The following COL4A5 variants were observed in gnomAD, a reference collection of about 807,000 sequenced individuals.
COL4A5 encodes collagen alpha-5(IV) chain.
Under a neutral mutation model 130.2 loss-of-function variants are expected in COL4A5, and 26 were observed. The observed-to-expected ratio is 0.20, with a 90% CI of 0.15 to 0.28. The LOEUF is 0.28. COL4A5 is among the 10% of genes least tolerant of loss of function. The probability of loss-of-function intolerance (pLI) is 1.00; values close to 1 mark genes in which losing one functional copy is unlikely to be tolerated. For missense variants in COL4A5, 1,131 were observed against 1,344.3 expected, an observed-to-expected ratio of 0.84 and a Z score of 2.48; for synonymous variants, 496 against 439.6, an observed-to-expected ratio of 1.13 and a Z score of -1.60.
At chrX:108,596,638 T>C (rs765329370) in intron 22 of COL4A5, among the ~76,000 whole-genome samples, 1 of 111,892 alleles carries the variant, frequency 8.9e-6, no homozygotes, top group Admixed American at 9.5e-5. Flanking sequence ...TATTCAAACC[T>C]TTTCATTATC....
intron 3 of COL4A5, among the ~76,000 whole-genome samples, chrX:108,561,154 C>A (rs1360354787): frequency 8.9e-6 from 1 of 112,020 alleles, no homozygotes; most frequent in Non-Finnish European, 1.9e-5. Context: ...GCACAGCAAT[C>A]AGATGTTTAT....
At chrX:108,676,250 A>G (rs1209715196) in intron 43 of COL4A5, among the ~76,000 whole-genome samples, 2 of 112,358 alleles carry the variant, frequency 1.8e-5, no homozygotes, top group African/African-American at 6.5e-5. Flanking sequence ...TTTTTGTTGA[A>G]ATCAATAAAA....
chrX:108,525,774 G>A (rs2065305843), intron 1 of COL4A5, among the ~76,000 whole-genome samples: 1 of 111,674 alleles, frequency 9.0e-6, no homozygotes. Flanking sequence ...CAAAATTGCT[G>A]ATACTGTTCC....
intron 37 of COL4A5, among the ~76,000 whole-genome samples, chrX:108,664,423 A>T (rs2068032906): frequency 8.9e-6 from 1 of 112,144 alleles, no homozygotes; most frequent in African/African-American, 3.2e-5. Flanking sequence ...AAATGTTTTT[A>T]ATTAGATCTT....
At chrX:108,650,794 G>C (rs2067710413) in intron 36 of COL4A5, among the ~76,000 whole-genome samples, 1 of 110,042 alleles carries the variant, frequency 9.1e-6, no homozygotes, top group Non-Finnish European at 1.9e-5. Context: ...TGGGAGTGGG[G>C]CAAGGGATAA....
At chrX:108,538,110 C>A (rs1334426678) in intron 1 of COL4A5, among the ~76,000 whole-genome samples, 1 of 111,575 alleles carries the variant, frequency 9.0e-6, no homozygotes, top group African/African-American at 3.3e-5. Context: ...TAGTGGCTGT[C>A]ACATAACAGG....
At chrX:108,633,131 G>T (rs1435912873) in intron 36 of COL4A5, among the ~76,000 whole-genome samples, 3 of 111,558 alleles carry the variant, frequency 2.7e-5, no homozygotes, top group Non-Finnish European at 1.9e-5. Context: ...CTTCAGCAAA[G>T]TCTCAGGAGC....
intron 1 of COL4A5, among the ~76,000 whole-genome samples, chrX:108,457,785 T>G (rs1488674679): frequency 8.9e-6 from 1 of 112,171 alleles, no homozygotes; most frequent in Non-Finnish European, 1.9e-5. Flanking sequence ...TCTGTTCCTA[T>G]AATTTTACCT....
rs1276171285 is a variant in COL4A5 at position 108,677,560 on chromosome X, A to C, written c.3869A>C (p.Lys1290Thr). Residue 1290 changes from lysine (K) to threonine (T), a missense_variant, in exon 44 of 53, where the codon AAG becomes ACG. Physicochemically the swap from Lys to Thr is moderately conservative, Grantham distance 78. Coordinates refer to ENST00000328300, the MANE Select transcript of COL4A5 (RefSeq NM_033380.3). ...GGAAATGGAGGTATTAAAGGAGAGA[A>C]GGGAAATCCAGGCCAACCTGGGCTA... ...LPGNGGIKGEKGNPGQPGLPG... is the reference protein window; with the variant it reads ...LPGNGGIKGETGNPGQPGLPG... 1 of 1,210,132 alleles carries C rather than the reference A, an allele frequency of 8.3e-7. No individual in the cohort carries two copies. The highest frequency in any genetic ancestry group is 1.1e-6 in the Non-Finnish European group (1 of 894,018).
At chrX:108,511,493 A>G (rs1221819581) in intron 1 of COL4A5, among the ~76,000 whole-genome samples, 2 of 111,869 alleles carry the variant, frequency 1.8e-5, no homozygotes, top group African/African-American at 6.5e-5. Flanking sequence ...GAAATGTAAG[A>G]GATCCGGAAT....
intron 1 of COL4A5, among the ~76,000 whole-genome samples, chrX:108,473,633 A>ATATATATATATATATATATATTTTT: frequency 1.2e-4 from 4 of 34,560 alleles, no homozygotes; most frequent in South Asian, 1.3e-3. Flanking sequence ...ATATATATAT[A>ATATATATATATATATATATATTTTT]TTTTTTTTTT....
At chrX:108,651,704 G>C (rs2067733249) in intron 36 of COL4A5, among the ~76,000 whole-genome samples, 1 of 111,580 alleles carries the variant, frequency 9.0e-6, no homozygotes, top group African/African-American at 3.2e-5. Context: ...CATGGTAAAG[G>C]GTAGTATAGA....
intron 1 of COL4A5, among the ~76,000 whole-genome samples, chrX:108,442,095 G>C (rs778459636): frequency 1.1e-4 from 12 of 111,336 alleles, no homozygotes; most frequent in African/African-American, 3.6e-4. Flanking sequence ...TGTTTTTCCT[G>C]GTTCATACAT....
chrX:108,632,504 A>G (rs945971445), intron 36 of COL4A5, among the ~76,000 whole-genome samples: 1 of 111,386 alleles, frequency 9.0e-6, no homozygotes, highest in African/African-American at 3.3e-5. Context: ...TCCTGATATC[A>G]AAGCCTGGCA....
intron 36 of COL4A5, among the ~76,000 whole-genome samples, chrX:108,628,276 T>A (rs1466549382): frequency 9.0e-6 from 1 of 111,298 alleles, no homozygotes; most frequent in Non-Finnish European, 1.9e-5. Flanking sequence ...TTGGTAAATA[T>A]CACCATAGAA....
chrX:108,603,193 A>T (rs2066668481), intron 28 of COL4A5, 132 bp downstream of exon 28: 2 of 372,250 alleles, frequency 5.4e-6, no homozygotes, highest in Non-Finnish European at 9.5e-6. Context: ...ATAACTTATT[A>T]TATTTCCATT....
Position 108,655,399 on chromosome X carries a change from G to A in COL4A5, c.3315G>A (p.Leu1105=), listed in dbSNP as rs1415696204. ...GIKGSVGDPG[L]PGLPGTPGAK... is the part of the protein sequence containing the mutation. Reference sequence around the variant, plus strand: ...AAGGTTCTGTGGGAGATCCTGGTTTGCCCGGATTACCAGGAACCCCTGGAG... The same window carrying A: ...AAGGTTCTGTGGGAGATCCTGGTTTACCCGGATTACCAGGAACCCCTGGAG... Residue 1105 remains leucine, a synonymous_variant, in exon 37 of 53, where the codon TTG becomes TTA. Transcript: ENST00000328300. 1.7e-6 allele frequency: 2 copies of A among 1,210,792 alleles called. No homozygotes were observed. Among genetic ancestry groups the A allele is most frequent in the Non-Finnish European group, 2.2e-6 (2 of 895,009 alleles).
At position 108,621,877 on chromosome X, in the gene COL4A5, G is replaced by A. The variant is rs373249512; in HGVS notation, c.2752G>A (p.Val918Ile). 5 of 1,201,536 alleles carry A rather than the reference G, an allele frequency of 4.2e-6. No individual in the cohort carries two copies. The highest frequency in any genetic ancestry group is 2.3e-4 in the Middle Eastern group (1 of 4,350). Residue 918 changes from valine (V) to isoleucine (I), a missense_variant, in exon 32 of 53, where the codon GTA becomes ATA. Transcript: ENST00000328300. ...GPLGIPGRSG[V>I]PGLKGDDGLQ... ...TTTGGGAATTCCTGGCAGGAGTGGT[G>A]TACCTGGTCTTAAAGGTAATAATCA...
At chrX:108,633,784 A>G (rs979886279) in intron 36 of COL4A5, among the ~76,000 whole-genome samples, 5 of 111,876 alleles carry the variant, frequency 4.5e-5, no homozygotes, top group African/African-American at 6.5e-5. Context: ...GAAATAATGT[A>G]AAGTAGTCTG....
Sources: allele counts gnomAD v4.1 joint callset (sites outside exome capture counted in the v4.1 genomes callset), GRCh38; gene constraint gnomAD v4.1.1; transcripts MANE v1.5; gene names NCBI Gene and HGNC (gene_info 2026-07-23, HGNC 2026-07-21).